Variants in KIF21B observed in about 807,000 individuals in gnomAD.
KIF21B encodes the protein kinesin family member 21B.
In KIF21B, 85 loss-of-function variants were observed where a neutral mutation model predicts 192.9. The observed-to-expected ratio is 0.44, with a 90% CI of 0.37 to 0.53. The LOEUF is 0.53. KIF21B is among the 20% of genes least tolerant of loss of function. KIF21B has a pLI of 0.00. For synonymous variants in KIF21B, 832 were observed against 884.6 expected, an observed-to-expected ratio of 0.94 and a Z score of 1.05; for missense variants, 1,716 against 2,194.8, an observed-to-expected ratio of 0.78 and a Z score of 4.36.
intron 15 of KIF21B, 61 bp downstream of exon 15, chr1:200,996,135 T>C (rs907667789): frequency 1.4e-6 from 2 of 1,463,722 alleles, no homozygotes; most frequent in African/African-American, 2.8e-5. Context: ...CGATGGTGAG[T>C]GGATTCTAAG....
chr1:200,980,192 C>T (rs1190002465), intron 29 of KIF21B, among the ~76,000 whole-genome samples: 1 of 152,262 alleles, frequency 6.6e-6, no homozygotes, highest in East Asian at 1.9e-4. Flanking sequence ...TTATAGTATG[C>T]GTGTCTATTA....
At chr1:201,012,017 G>T (rs971961747) in intron 1 of KIF21B, among the ~76,000 whole-genome samples, 3 of 152,226 alleles carry the variant, frequency 2.0e-5, no homozygotes, top group Non-Finnish European at 4.4e-5. Flanking sequence ...TGCCTTCCAG[G>T]ATCAAGACAG....
intron 15 of KIF21B, 97 bp from the exon 16 acceptor site, chr1:200,992,486 A>G: frequency 7.9e-7 from 1 of 1,270,344 alleles, no homozygotes; most frequent in Admixed American, 1.8e-5. Flanking sequence ...TGGGGCAGGG[A>G]TAGTGGCTAG....
Position 200,990,393 on chromosome 1 carries a change from C to A in KIF21B, c.2836-61G>T. ...GGAGAGGCCTCAGGTAGCTGCCAAG[C>A]CCTGCCCATAGCTTCCACCACAGGC... On this transcript the variant is annotated intron_variant, in intron 19 of 34. Coordinates refer to ENST00000461742, the MANE Select transcript of KIF21B (RefSeq NM_001252102.2). The surrounding 1 kb of genome is among the most constrained non-coding windows in gnomAD (Gnocchi z 5.4). The A allele has an allele frequency of 6.6e-7, 1 of 1,520,988 alleles. No individual in the cohort carries two copies. The highest frequency in any genetic ancestry group is 8.9e-7 in the Non-Finnish European group (1 of 1,125,878). 94.2% of individuals were successfully genotyped at this position (1,520,988 alleles called of 1,614,324 possible).
rs1034899232 is a variant in KIF21B, at chr1:200,974,648, G to C, written c.4814+66C>G. On this transcript the variant is annotated intron_variant, in intron 34 of 34. Coordinates refer to ENST00000461742, the MANE Select transcript of KIF21B (RefSeq NM_001252102.2). ...CAACTGCAGGGCCCTGAGCCTCCCA[G>C]CCTCCCCTGCCCACACCAGGAAGGA... The C allele has an allele frequency of 1.0e-5, 15 of 1,471,374 alleles. No individual in the cohort carries two copies. The Admixed American group carries it at 3.0e-4, about 30-fold the overall frequency. The allele number at this position is 1,471,374 out of a possible 1,614,324, so 91.1% of individuals were successfully genotyped here.
In KIF21B at chr1:200,999,597, C is replaced by A; in HGVS notation, c.1768-131G>T. 2 of 1,477,180 alleles carry A rather than the reference C, an allele frequency of 1.4e-6. No homozygotes were observed. Among genetic ancestry groups the A allele is most frequent in the South Asian group, 1.3e-5 (1 of 77,328 alleles). The allele number at this position is 1,477,180 out of a possible 1,614,324, so 91.5% of individuals were successfully genotyped here. A position where few individuals can be genotyped will look rare whatever the true frequency, so the allele number is the denominator to read the frequency against. ...TGGGGCAGGCCACAGCTGAGCCCCC[C>A]TGCCCACCCCCTACTCCTGGAAGAG... On this transcript the variant is annotated intron_variant, in intron 12 of 34. Transcript: ENST00000461742. The surrounding 1 kb of genome is among the most constrained non-coding windows in gnomAD (Gnocchi z 4.7).
intron 3 of KIF21B, among the ~76,000 whole-genome samples, chr1:201,007,791 GACACATAGACAC>G (rs1043745072): frequency 1.3e-5 from 2 of 149,670 alleles, no homozygotes; most frequent in Non-Finnish European, 3.0e-5. Flanking sequence ...TGCGCACACA[GACACATAGACAC>G]ACACATAGAC....
Position 200,974,744 on chromosome 1 carries a change from G to A in KIF21B, c.4784C>T (p.Thr1595Ile). ...GHDSPINAIC[T>I]NAKHIFTASS... ...GGCTGTGAAGATATGCTTGGCATTG[G>A]TGCAGATGGCATTGATGGGACTGTC... Residue 1595 changes from threonine to isoleucine, a missense_variant, in exon 34 of 35, where the codon ACC (threonine) becomes ATC (isoleucine). Thr to Ile is a moderately conservative substitution (Grantham distance 89). Coordinates refer to ENST00000461742, the MANE Select transcript of KIF21B (RefSeq NM_001252102.2). 1 of 1,614,224 alleles carries A rather than the reference G, an allele frequency of 6.2e-7. No homozygotes were observed. Among genetic ancestry groups the A allele is most frequent in the Non-Finnish European group, 8.5e-7 (1 of 1,180,024 alleles).
intron 24 of KIF21B, 28 bp downstream of exon 24, chr1:200,988,268 C>T: frequency 6.2e-7 from 1 of 1,608,668 alleles, no homozygotes; most frequent in Non-Finnish European, 8.5e-7. Context: ...CCTGCTGCAC[C>T]CACTGCCTGA....
intron 1 of KIF21B, among the ~76,000 whole-genome samples, chr1:201,011,963 C>A (rs1174148103): frequency 6.6e-6 from 1 of 152,250 alleles, no homozygotes; most frequent in East Asian, 1.9e-4. Flanking sequence ...ATGAGAGGGG[C>A]AGCTTCTGCT....
At chr1:201,001,859 T>G in intron 9 of KIF21B, 1 of 413,670 alleles carries the variant, frequency 2.4e-6, no homozygotes, top group Non-Finnish European at 4.4e-6. Flanking sequence ...CACACCAAGC[T>G]GCTCATAGAG....
chr1:201,002,485 C>T, intron 8 of KIF21B, 135 bp from the exon 9 acceptor site: 1 of 729,258 alleles, frequency 1.4e-6, no homozygotes, highest in Non-Finnish European at 2.3e-6. Context: ...CTCCCCTGCC[C>T]CAGGTTTCCT....
rs538761310 is a variant in KIF21B, at chr1:201,002,102, C to T, written c.1402+59G>A. 5.5e-5 allele frequency: 81 copies of T among 1,475,230 alleles called. 1 individual carries two copies. The African/African-American group carries it at 9.2e-4, about 17-fold the overall frequency. The allele number at this position is 1,475,230 out of a possible 1,614,324, so 91.4% of individuals were successfully genotyped here. A position where few individuals can be genotyped will look rare whatever the true frequency, so the allele number is the denominator to read the frequency against. On this transcript the variant is annotated intron_variant, in intron 9 of 34. Coordinates refer to ENST00000461742, the MANE Select transcript of KIF21B (RefSeq NM_001252102.2). ...CCACCTGATACTCTGGGGTGGATGT[C>T]GGGGGAGGGAGTCCTAGCCCGTTGG...
intron 8 of KIF21B, 48 bp from the exon 9 acceptor site, chr1:201,002,398 TG>T (rs574224967): frequency 1.5e-5 from 23 of 1,568,244 alleles, no homozygotes; most frequent in Admixed American, 1.7e-5. Context: ...AGCTCGCGGT[TG>T]GGGGGGTAAG....
chr1:200,977,030 C>G (rs1255881520), intron 31 of KIF21B, 137 bp from the exon 32 acceptor site: 11 of 964,284 alleles, frequency 1.1e-5, no homozygotes, highest in Non-Finnish European at 1.6e-5. Context: ...GATCAAGAAT[C>G]TAGACATGAG....
intron 8 of KIF21B, chr1:201,003,138 C>T: frequency 5.6e-6 from 1 of 178,902 alleles, no homozygotes; most frequent in South Asian, 1.3e-4. Context: ...CCTCTCTGAC[C>T]ATCCATGCAA....
intron 22 of KIF21B, 35 bp downstream of exon 22, chr1:200,988,731 A>G: frequency 6.3e-7 from 1 of 1,582,172 alleles, no homozygotes; most frequent in Non-Finnish European, 8.6e-7. Context: ...TGGAATGCCA[A>G]GGAGCTGGCA....
At chr1:201,005,078 G>T in intron 5 of KIF21B, 145 bp from the exon 6 acceptor site, 1 of 1,042,004 alleles carries the variant, frequency 9.6e-7, no homozygotes, top group Non-Finnish European at 1.4e-6. Flanking sequence ...AATGTGCACA[G>T]TATTTGCACA....
At position 200,988,937 on chromosome 1, in the gene KIF21B, G is replaced by A. The variant is rs1335292475; in HGVS notation, c.3133-6C>T. Reference sequence around the variant, plus strand: ...TTTTGTGCCACTTGCAGCCCCTGGGGGCAGGGAACAAAGCCTGGAGTTACC... The same window carrying A: ...TTTTGTGCCACTTGCAGCCCCTGGGAGCAGGGAACAAAGCCTGGAGTTACC... On this transcript the variant is annotated splice_polypyrimidine_tract_variant and splice_region_variant and intron_variant, in intron 21 of 34. Coordinates refer to ENST00000461742, the MANE Select transcript of KIF21B (RefSeq NM_001252102.2). The A allele has an allele frequency of 2.5e-6, 4 of 1,606,484 alleles. No homozygotes were observed. The highest frequency in any genetic ancestry group is 1.7e-5 in the Admixed American group (1 of 59,422).
Sources: allele counts gnomAD v4.1 joint callset (sites outside exome capture counted in the v4.1 genomes callset), GRCh38; gene constraint gnomAD v4.1.1; non-coding constraint Gnocchi (gnomAD v3.1); transcripts MANE v1.5; gene names NCBI Gene and HGNC (gene_info 2026-07-23, HGNC 2026-07-21).